The following APOBR variants were observed in gnomAD, a reference collection of about 807,000 sequenced individuals.
APOBR encodes the protein apolipoprotein B receptor, also known as apoB-48R.
APOBR carries 57 observed loss-of-function variants against 88.5 expected under a neutral mutation model. The observed-to-expected ratio is 0.64, with a 90% confidence interval of 0.52 to 0.80. The LOEUF (loss-of-function observed/expected upper bound fraction) is 0.80. APOBR is among the 30% of genes least tolerant of loss of function. The pLI is 0.00. For synonymous variants in APOBR, 588 were observed against 572.7 expected, an observed-to-expected ratio of 1.03 and a Z score of -0.38; for missense variants, 1,443 against 1,401.6, an observed-to-expected ratio of 1.03 and a Z score of -0.47.
In APOBR at chr16:28,497,092, A is replaced by G. The variant is rs61753940; in HGVS notation, c.2051A>G (p.Gln684Arg). 0.01 allele frequency: 16,047 copies of G among 1,598,542 alleles called. 1,432 individuals are homozygous for G. The African/African-American group carries it at 0.19, about 19-fold the overall frequency. The change falls in exon 2 of 4, where the codon CAG (glutamine) becomes CGG (arginine). Residue 684 changes from glutamine to arginine, a missense_variant. By Grantham distance (43) the Gln-to-Arg change is conservative. Transcript: ENST00000564831. ...PEAGGEGLTT[Q>R]DAGCGTEEGE... is the part of the protein sequence containing the mutation. ...GCAGGCGGGGAGGGGCTGACAACCC[A>G]GGACGCGGGATGTGGAACTGAGGAG...
At position 28,496,291 on chromosome 16, in the gene APOBR, G is replaced by C; in HGVS notation, c.1250G>C (p.Arg417Thr). Reference sequence around the variant, plus strand: ...CTAGAGGAGGAGGGGGATGAGGAGAGAGAGGCTGAGGTGAGCCCTTTCCCC... The same window carrying C: ...CTAGAGGAGGAGGGGGATGAGGAGACAGAGGCTGAGGTGAGCCCTTTCCCC... ...WVLEEEGDEE[R>T]EAEVSPFPKQ... Residue 417 changes from arginine to threonine, a missense_variant, in exon 2 of 4, where the codon AGA (arginine) becomes ACA (threonine). Physicochemically the swap from Arg to Thr is moderately conservative, Grantham distance 71 (BLOSUM62 -1). Transcript: ENST00000564831. The C allele has an allele frequency of 1.3e-6, 2 of 1,596,134 alleles. No homozygotes were observed. The highest frequency in any genetic ancestry group is 1.7e-6 in the Non-Finnish European group (2 of 1,172,022).
At position 28,498,416 on chromosome 16, in the gene APOBR, G is replaced by C. The variant is rs758050927; in HGVS notation, c.3225-20G>C. The C allele has an allele frequency of 2.5e-6, 4 of 1,599,734 alleles. No individual in the cohort carries two copies. Among genetic ancestry groups the C allele is most frequent in the Non-Finnish European group, 3.4e-6 (4 of 1,173,460 alleles). Reference sequence around the variant, plus strand: ...GGGCACCTGGGAACCTGTTCTCACGGGCCTGACTTCCGCCTCCAGGTTTGG... The same window carrying C: ...GGGCACCTGGGAACCTGTTCTCACGCGCCTGACTTCCGCCTCCAGGTTTGG... On this transcript the variant is annotated intron_variant, in intron 3 of 3. Transcript: ENST00000564831.
At position 28,496,639 on chromosome 16, in the gene APOBR, CAG is replaced by C. The variant is rs762089571; in HGVS notation, c.1599_1600del (p.Glu535GlyfsTer3). 23 of 1,596,574 alleles carry C rather than the reference CAG, an allele frequency of 1.4e-5. No individual in the cohort carries two copies. The Admixed American group carries it at 3.6e-4, about 25-fold the overall frequency. On this transcript the variant is annotated frameshift_variant, in exon 2 of 4. Coordinates refer to ENST00000564831, the MANE Select transcript of APOBR (RefSeq NM_018690.4). LOFTEE classifies it high-confidence loss of function. ...GAGGCCAGGCCTGAGGAGGAGCTCACAGGGGAGGAGAGTGAGGCGGCCCAGAC... is the reference window on the plus strand; with the variant it reads ...GAGGCCAGGCCTGAGGAGGAGCTCACGGGAGGAGAGTGAGGCGGCCCAGAC...
At position 28,495,157 on chromosome 16, in the gene APOBR, G is replaced by A. The variant is rs756425975; in HGVS notation, c.116G>A (p.Arg39Gln). 2.0e-5 allele frequency: 31 copies of A among 1,567,956 alleles called. No individual in the cohort carries two copies. The highest frequency in any genetic ancestry group is 2.4e-5 in the Non-Finnish European group (28 of 1,159,748). ...GGAGATGCAGTCCCCACTGTAGAGC[G>A]GGAGGCGCAGGCGGCTGAGGAACTG... The part of the protein sequence containing the change: ...LLGDAVPTVE[R>Q]EAQAAEELGV... Residue 39 changes from arginine to glutamine, a missense_variant, in exon 2 of 4, where the codon CGG (arginine) becomes CAG (glutamine). By Grantham distance (43) the Arg-to-Gln change is conservative. Transcript: ENST00000564831.
At chr16:28,494,795 C>G in intron 1 of APOBR, 57 bp downstream of exon 1, 1 of 1,517,378 alleles carries the variant, frequency 6.6e-7, no homozygotes, top group Non-Finnish European at 9.0e-7. Flanking sequence ...GGCCTCACTT[C>G]CGGGCACCTC....
rs1256709578 is a variant in APOBR, at chr16:28,497,690, G to C, written c.2649G>C (p.Leu883=). 6.2e-7 allele frequency: 1 copy of C among 1,603,656 alleles called. No homozygotes were observed. Among genetic ancestry groups the C allele is most frequent in the Non-Finnish European group, 8.5e-7 (1 of 1,175,296 alleles). Residue 883 remains leucine, a synonymous_variant, in exon 2 of 4, where the codon CTG becomes CTC. Transcript: ENST00000564831. ...EAGGLLEKWT[L]LEEEAVGWQE... ...GGGGGCTTCTAGAAAAGTGGACGCT[G>C]TTGGAAGAAGAGGCTGTTGGATGGC...
At position 28,495,851 on chromosome 16, in the gene APOBR, A is replaced by C; in HGVS notation, c.810A>C (p.Ala270=). 1 of 1,610,026 alleles carries C rather than the reference A, an allele frequency of 6.2e-7. No individual in the cohort carries two copies. The highest frequency in any genetic ancestry group is 8.5e-7 in the Non-Finnish European group (1 of 1,178,280). Residue 270 remains alanine (A), a synonymous_variant, in exon 2 of 4, where the codon GCA becomes GCC. Transcript: ENST00000564831. ...TRAWGTWGPG[A]EPEDWGILGR... ...CATGGGGGACGTGGGGCCCAGGGGC[A>C]GAGCCTGAGGACTGGGGAATCTTAG...
Position 28,497,181 on chromosome 16 carries a change from T to C in APOBR, c.2140T>C (p.Cys714Arg). The C allele has an allele frequency of 6.2e-7, 1 of 1,600,694 alleles. No individual in the cohort carries two copies. Among genetic ancestry groups the C allele is most frequent in the Non-Finnish European group, 8.5e-7 (1 of 1,174,234 alleles). ...DGSTGADAGP[C>R]PSLGEAYARE... ...AAGCACAGGGGCAGACGCAGGGCCT[T>C]GCCCGTCACTGGGAGAGGCCTATGC... Residue 714 changes from cysteine to arginine, a missense_variant, in exon 2 of 4, where the codon TGC (cysteine) becomes CGC (arginine). Transcript: ENST00000564831.
rs760364909 is a variant in APOBR at position 28,498,089 on chromosome 16, C to A, written c.2964C>A (p.Leu988=). 1.9e-6 allele frequency: 3 copies of A among 1,551,838 alleles called. No homozygotes were observed. The highest frequency in any genetic ancestry group is 2.6e-6 in the Non-Finnish European group (3 of 1,154,302). ...TGCCCCCTTTCCTGCAGGCCCCGCTCCCCGGGTCCCTCCTAGACGTCTCTG... is the reference window on the plus strand; with the variant it reads ...TGCCCCCTTTCCTGCAGGCCCCGCTACCCGGGTCCCTCCTAGACGTCTCTG... ...GAANSWSEAP[L]PGSLLDVSVP... The change falls in exon 3 of 4, where the codon CTC becomes CTA. Residue 988 remains leucine, a synonymous_variant. Transcript: ENST00000564831.
rs887443402 is a variant in APOBR at position 28,497,852 on chromosome 16, A to G, written c.2811A>G (p.Pro937=). ...GRRAEAKETE[P]ESLEHVRGQE... ...GGGCAGAGGCCAAGGAGACTGAGCC[A>G]GAAAGCCTGGAACATGTCAGGGGCC... The change falls in exon 2 of 4, where the codon CCA becomes CCG. Residue 937 remains proline, a synonymous_variant. Coordinates refer to ENST00000564831, the MANE Select transcript of APOBR (RefSeq NM_018690.4). The G allele has an allele frequency of 5.1e-5, 82 of 1,611,288 alleles. No homozygotes were observed. The highest frequency in any genetic ancestry group is 6.9e-5 in the Non-Finnish European group (81 of 1,178,852).
rs373017037 is a variant in APOBR at position 28,497,601 on chromosome 16, G to A, written c.2560G>A (p.Gly854Arg). ...ATCTGCAGGCGCAGAGGACAGCTGTGGGCTGGATCCCGCGGGCTCCCAGAC... is the reference window on the plus strand; with the variant it reads ...ATCTGCAGGCGCAGAGGACAGCTGTAGGCTGGATCCCGCGGGCTCCCAGAC... ...EESAGAEDSC[G>R]LDPAGSQTAR... The change falls in exon 2 of 4, where the codon GGG becomes AGG. Residue 854 changes from glycine (G) to arginine (R), a missense_variant. Physicochemically the swap from Gly to Arg is moderately radical, Grantham distance 125 (BLOSUM62 -2). Transcript: ENST00000564831. 3 of 1,606,832 alleles carry A rather than the reference G, an allele frequency of 1.9e-6. No homozygotes were observed. In the African/African-American group the frequency reaches 4.0e-5, roughly 21 times the overall value.
Position 28,495,176 on chromosome 16 carries a change from G to A in APOBR, c.135G>A (p.Glu45=). The A allele has an allele frequency of 1.3e-6, 2 of 1,570,706 alleles. No homozygotes were observed. Among genetic ancestry groups the A allele is most frequent in the Non-Finnish European group, 1.7e-6 (2 of 1,160,462 alleles). ...PTVEREAQAA[E]ELGVVAVGKT... ...TAGAGCGGGAGGCGCAGGCGGCTGA[G>A]GAACTGGGGGTGGTGGCGGTGGGAA... The change falls in exon 2 of 4, where the codon GAG becomes GAA. Residue 45 remains glutamate, a synonymous_variant. Transcript: ENST00000564831.
Position 28,496,673 on chromosome 16 carries a change from T to G in APOBR, c.1632T>G (p.Cys544Trp). The change falls in exon 2 of 4, where the codon TGT becomes TGG. Residue 544 changes from cysteine (C) to tryptophan (W), a missense_variant. Cys to Trp is a radical substitution (Grantham distance 215). Coordinates refer to ENST00000564831, the MANE Select transcript of APOBR (RefSeq NM_018690.4). ...AGAGTGAGGCGGCCCAGACTAGCTG[T>G]GGCCTACTGGGCGTGGAATGGGGTG... is the stretch of plus-strand genomic sequence containing the variant. ...GEESEAAQTS[C>W]GLLGVEWGGL... is the part of the protein sequence containing the mutation. The G allele has an allele frequency of 6.2e-7, 1 of 1,606,150 alleles. No homozygotes were observed. The highest frequency in any genetic ancestry group is 8.5e-7 in the Non-Finnish European group (1 of 1,176,234).
At position 28,496,220 on chromosome 16, in the gene APOBR, A is replaced by G. The variant is rs774540151; in HGVS notation, c.1179A>G (p.Ala393=). 1.3e-6 allele frequency: 2 copies of G among 1,595,704 alleles called. No homozygotes were observed. Among genetic ancestry groups the G allele is most frequent in the Admixed American group, 1.8e-5 (1 of 56,572 alleles). ...GAGTCAGACAGACAGAATATGGAGC[A>G]GTCCCAGGAGAAAGGCTCCTAGAGG... ...LLGVRQTEYG[A]VPGERLLEAT... Residue 393 remains alanine (A), a synonymous_variant, in exon 2 of 4, where the codon GCA becomes GCG. Coordinates refer to ENST00000564831, the MANE Select transcript of APOBR (RefSeq NM_018690.4).
Position 28,497,138 on chromosome 16 carries a change from G to A in APOBR, c.2097G>A (p.Glu699=). ...GTEEGEASVS[E]NQELDGSTGA... ...AGGAGGGAGAGGCATCTGTCTCAGA[G>A]AACCAGGAGCTGGACGGAAGCACAG... The change falls in exon 2 of 4, where the codon GAG becomes GAA. Residue 699 remains glutamate (E), a synonymous_variant. Coordinates refer to ENST00000564831, the MANE Select transcript of APOBR (RefSeq NM_018690.4). 6.2e-7 allele frequency: 1 copy of A among 1,606,700 alleles called. No homozygotes were observed. The highest frequency in any genetic ancestry group is 8.5e-7 in the Non-Finnish European group (1 of 1,176,962).
In APOBR at chr16:28,497,311, C is replaced by G. The variant is rs2046401153; in HGVS notation, c.2270C>G (p.Thr757Ser). Residue 757 changes from threonine (T) to serine (S), a missense_variant, in exon 2 of 4, where the codon ACT becomes AGT. By Grantham distance (58) the Thr-to-Ser change is moderately conservative. Coordinates refer to ENST00000564831, the MANE Select transcript of APOBR (RefSeq NM_018690.4). ...VGLPDREDAQ[T>S]GSVAAGIMGG... ...CTCCCGGACCGTGAGGATGCACAGA[C>G]TGGCTCTGTGGCTGCTGGGATTATG... 1 of 1,601,078 alleles carries G rather than the reference C, an allele frequency of 6.2e-7. No homozygotes were observed. Among genetic ancestry groups the G allele is most frequent in the Non-Finnish European group, 8.5e-7 (1 of 1,174,148 alleles).
In APOBR at chr16:28,496,910, C is replaced by A. The variant is rs780032074; in HGVS notation, c.1869C>A (p.Ala623=). 10 of 1,559,222 alleles carry A rather than the reference C, an allele frequency of 6.4e-6. No individual in the cohort carries two copies. In the Admixed American group the frequency reaches 2.0e-4, roughly 31 times the overall value. The change falls in exon 2 of 4, where the codon GCC becomes GCA. Residue 623 remains alanine, a synonymous_variant. Transcript: ENST00000564831. ...KPEASEAFPG[A]WENRTRKDME... ...AGGCCTCCGAGGCCTTCCCAGGAGCCTGGGAAAACCGCACGAGAAAGGACA... is the reference window on the plus strand; with the variant it reads ...AGGCCTCCGAGGCCTTCCCAGGAGCATGGGAAAACCGCACGAGAAAGGACA...
At position 28,495,842 on chromosome 16, in the gene APOBR, C is replaced by T; in HGVS notation, c.801C>T (p.Gly267=). 1 of 1,609,058 alleles carries T rather than the reference C, an allele frequency of 6.2e-7. No homozygotes were observed. Among genetic ancestry groups the T allele is most frequent in the Non-Finnish European group, 8.5e-7 (1 of 1,177,942 alleles). ...CESTRAWGTW[G]PGAEPEDWGI... is the part of the protein sequence containing the mutation. The stretch of plus-strand genomic sequence containing the variant: ...GCACTAGGGCATGGGGGACGTGGGG[C>T]CCAGGGGCAGAGCCTGAGGACTGGG... The change falls in exon 2 of 4, where the codon GGC becomes GGT. Residue 267 remains glycine (G), a synonymous_variant. Coordinates refer to ENST00000564831, the MANE Select transcript of APOBR (RefSeq NM_018690.4).
Position 28,496,846 on chromosome 16 carries a change from T to A in APOBR, c.1805T>A (p.Leu602Gln), listed in dbSNP as rs774448312. The change falls in exon 2 of 4, where the codon CTG (leucine) becomes CAG (glutamine). Residue 602 changes from leucine to glutamine, a missense_variant. By Grantham distance (113) the Leu-to-Gln change is moderately radical (BLOSUM62 -2). Transcript: ENST00000564831. ...AGCAAAGAGGAGCAGGAGAGGAGCCTGGAGGCAGGTCCCAGGCACGCGGGG... is the reference window on the plus strand; with the variant it reads ...AGCAAAGAGGAGCAGGAGAGGAGCCAGGAGGCAGGTCCCAGGCACGCGGGG... ...ALSKEEQERS[L>Q]EAGPRHAGSV... 1 of 1,559,230 alleles carries A rather than the reference T, an allele frequency of 6.4e-7. No individual in the cohort carries two copies. Among genetic ancestry groups the A allele is most frequent in the Non-Finnish European group, 8.7e-7 (1 of 1,151,534 alleles).
Sources: gnomAD v4.1 joint callset for allele counts on GRCh38, gnomAD v4.1.1 for gene constraint, MANE v1.5 for transcripts, NCBI Gene and HGNC (gene_info 2026-07-23, HGNC 2026-07-21) for gene names.